DLG2: variants seen among roughly 807,000 people sequenced by gnomAD.
The protein encoded by DLG2 is disks large homolog 2.
DLG2 carries 45 observed loss-of-function variants against 132.5 expected under a neutral mutation model. The observed-to-expected ratio is 0.34, with a 90% CI of 0.27 to 0.44. The LOEUF is 0.44. Ranked by LOEUF, DLG2 falls within the 20% of genes least tolerant of loss-of-function variation. The pLI is 1.00. For synonymous variants in DLG2, 424 were observed against 419.6 expected (o/e 1.01, Z -0.13); for missense variants, 1,045 against 1,196.9 (o/e 0.87, Z 1.87).
chr11:83,503,359 A>C (rs1234003489), intron 21 of DLG2, among the ~76,000 whole-genome samples: 2 of 91,910 alleles, frequency 2.2e-5, no homozygotes, highest in African/African-American at 6.9e-5. Flanking sequence ...ATATACACAC[A>C]CACACCCATT....
intron 7 of DLG2, among the ~76,000 whole-genome samples, chr11:84,406,721 C>T (rs560414106): frequency 6.6e-6 from 1 of 152,322 alleles, no homozygotes; most frequent in East Asian, 1.9e-4. Flanking sequence ...CTTGCTCCTC[C>T]ATTCTCTCTG....
At chr11:84,378,736 C>T (rs1028233012) in intron 7 of DLG2, among the ~76,000 whole-genome samples, 1 of 151,562 alleles carries the variant, frequency 6.6e-6, no homozygotes, top group Non-Finnish European at 1.5e-5. Context: ...CAAGTCCATC[C>T]TGCCCAACAT....
intron 10 of DLG2, among the ~76,000 whole-genome samples, chr11:84,079,863 C>A (rs1215446377): frequency 6.6e-6 from 1 of 152,204 alleles, no homozygotes; most frequent in Non-Finnish European, 1.5e-5. Flanking sequence ...CCTCCTCAGG[C>A]CTTTGGGCAT....
At chr11:84,779,834 T>C (rs548541273) in intron 6 of DLG2, among the ~76,000 whole-genome samples, 25 of 150,514 alleles carry the variant, frequency 1.7e-4, no homozygotes, top group African/African-American at 4.6e-4. Flanking sequence ...CAGGAAGAAA[T>C]AGAAAATCTG....
intron 6 of DLG2, among the ~76,000 whole-genome samples, chr11:84,843,593 C>T (rs1293250014): frequency 2.6e-5 from 4 of 151,820 alleles, no homozygotes; most frequent in Non-Finnish European, 4.4e-5. Flanking sequence ...TTCACAGATG[C>T]TCAAGTCCTT....
At chr11:85,550,966 G>A (rs2076629138) in intron 3 of DLG2, among the ~76,000 whole-genome samples, 1 of 152,140 alleles carries the variant, frequency 6.6e-6, no homozygotes, top group Non-Finnish European at 1.5e-5. Flanking sequence ...GTGTCTAACA[G>A]TCAAGAAAGA....
At chr11:84,722,096 A>C (rs2061903370) in intron 6 of DLG2, among the ~76,000 whole-genome samples, 1 of 152,236 alleles carries the variant, frequency 6.6e-6, no homozygotes, top group Non-Finnish European at 1.5e-5. Flanking sequence ...GAGTTTAGAA[A>C]ACAGCATCAT....
intron 19 of DLG2, among the ~76,000 whole-genome samples, chr11:83,550,672 T>C (rs2096368998): frequency 6.6e-6 from 1 of 152,200 alleles, no homozygotes. Flanking sequence ...ATCAGCTTGC[T>C]ACTCAAAAAT....
chr11:84,819,196 A>G (rs911104430), intron 6 of DLG2, among the ~76,000 whole-genome samples: 1 of 151,830 alleles, frequency 6.6e-6, no homozygotes, highest in African/African-American at 2.4e-5. Flanking sequence ...AAGTCTCACA[A>G]TAGAAAGTAT....
At chr11:85,614,058 C>A (rs2153275177) in intron 2 of DLG2, among the ~76,000 whole-genome samples, 1 of 152,324 alleles carries the variant, frequency 6.6e-6, no homozygotes, top group Non-Finnish European at 1.5e-5. Context: ...AAACTCTGGA[C>A]ACATCCAAAC....
chr11:83,743,649 G>T (rs908267868), intron 18 of DLG2, among the ~76,000 whole-genome samples: 1 of 151,826 alleles, frequency 6.6e-6, no homozygotes, highest in Non-Finnish European at 1.5e-5. Context: ...GCCCAGGCTG[G>T]TCTTAAACTC....
chr11:84,429,458 A>G (rs1449173704), intron 7 of DLG2, among the ~76,000 whole-genome samples: 7 of 152,158 alleles, frequency 4.6e-5, no homozygotes, highest in Non-Finnish European at 7.3e-5. Flanking sequence ...TAATTCCTAT[A>G]CTTAATACAG....
intron 9 of DLG2, among the ~76,000 whole-genome samples, chr11:84,136,026 C>T (rs11825159): frequency 9.2e-5 from 14 of 152,140 alleles, no homozygotes; most frequent in South Asian, 4.1e-4. Context: ...GCTGACTAGA[C>T]GCAAACAGTG....
At chr11:84,531,671 G>A (rs1225617949) in intron 7 of DLG2, among the ~76,000 whole-genome samples, 2 of 152,050 alleles carry the variant, frequency 1.3e-5, no homozygotes, top group African/African-American at 2.4e-5. Flanking sequence ...CACAGAACTG[G>A]TGGTTCCAAA....
At chr11:84,265,452 AAG>A (rs2097608705) in intron 7 of DLG2, among the ~76,000 whole-genome samples, 1 of 152,206 alleles carries the variant, frequency 6.6e-6, no homozygotes, top group East Asian at 1.9e-4. Flanking sequence ...AGGATCCTTC[AAG>A]TAGCTGAAAT....
chr11:83,983,365 C>G (rs190889921), intron 11 of DLG2, among the ~76,000 whole-genome samples: 4 of 151,858 alleles, frequency 2.6e-5, no homozygotes, highest in Non-Finnish European at 5.9e-5. Flanking sequence ...TTTAGAAAAA[C>G]CACACACCTA....
At chr11:83,707,429 G>A (rs939381551) in intron 18 of DLG2, among the ~76,000 whole-genome samples, 3 of 152,182 alleles carry the variant, frequency 2.0e-5, no homozygotes, top group African/African-American at 7.2e-5. Context: ...CAGCACTTTG[G>A]GAGGCCGAGG....
At chr11:85,516,783 A>T (rs923557286) in intron 3 of DLG2, among the ~76,000 whole-genome samples, 1 of 152,054 alleles carries the variant, frequency 6.6e-6, no homozygotes, top group Non-Finnish European at 1.5e-5. Flanking sequence ...AGTAATAAAA[A>T]CTTTCCCAAT....
intron 6 of DLG2, chr11:85,021,504 G>A (rs1351701136): frequency 6.0e-6 from 9 of 1,495,556 alleles, no homozygotes; most frequent in Admixed American, 5.0e-5. Context: ...AGGCAAAGCC[G>A]TTATGAACAG....
Sources: gnomAD v4.1 joint callset for allele counts (sites outside exome capture counted in the v4.1 genomes callset) on GRCh38, gnomAD v4.1.1 for gene constraint, MANE v1.5 for transcripts, NCBI Gene and HGNC (gene_info 2026-07-23, HGNC 2026-07-21) for gene names.